The following LINGO1 variants were observed in gnomAD, a reference collection of about 807,000 sequenced individuals.
LINGO1 encodes the protein leucine-rich repeat and immunoglobulin-like domain-containing nogo receptor-interacting protein 1.
In LINGO1, 11 loss-of-function variants were observed where a neutral mutation model predicts 37.3. That is an observed-to-expected ratio of 0.29 (90% confidence interval 0.19 to 0.49). The LOEUF (loss-of-function observed/expected upper bound fraction) is 0.49. Among genes scored for constraint, LINGO1 ranks in the 20% least tolerant of loss-of-function variants. The pLI, the probability that LINGO1 is intolerant of heterozygous loss-of-function variation, is 0.99. For synonymous variants in LINGO1, 387 were observed against 403.0 expected (o/e 0.96, Z 0.48); for missense variants, 585 against 878.2 (o/e 0.67, Z 4.22).
At chr15:77,701,947 G>A (rs557131409) in intron 2 of LINGO1, among the ~76,000 whole-genome samples, 2 of 152,246 alleles carry the variant, frequency 1.3e-5, no homozygotes, top group East Asian at 3.9e-4. Flanking sequence ...CAGGAGTTTG[G>A]GGGTGTGGTT....
At position 77,614,723 on chromosome 15, in the gene LINGO1, G is replaced by T; in HGVS notation, c.1184C>A (p.Thr395Lys). Residue 395 changes from threonine to lysine, a missense_variant, in exon 2 of 2, where the codon ACG (threonine) becomes AAG (lysine). Physicochemically the swap from Thr to Lys is moderately conservative, Grantham distance 78. Around this residue, in one of 4 missense-constraint regions of LINGO1, gnomAD observed 484 missense variants for 735.0 expected, o/e 0.66. Transcript: ENST00000355300. ...CTGGACAAACTCGGGCGTGGCGCACGTGGGCTGCTGCCGGTTGAAGTTGAG... is the reference window on the plus strand; with the variant it reads ...CTGGACAAACTCGGGCGTGGCGCACTTGGGCTGCTGCCGGTTGAAGTTGAG... ...WRLNFNRQQP[T>K]CATPEFVQGK... The T allele has an allele frequency of 6.2e-7, 1 of 1,607,016 alleles. No homozygotes were observed. Among genetic ancestry groups the T allele is most frequent in the Non-Finnish European group, 8.5e-7 (1 of 1,176,840 alleles).
intron 2 of LINGO1, among the ~76,000 whole-genome samples, chr15:77,701,659 A>G: frequency 6.6e-6 from 1 of 152,082 alleles, no homozygotes; most frequent in East Asian, 1.9e-4. Flanking sequence ...TCACTCTATT[A>G]GTTCCCATGA....
upstream of LINGO1, chr15:77,787,245 A>T (rs1471212363): frequency 1.3e-5 from 2 of 152,310 alleles, no homozygotes; most frequent in African/African-American, 4.8e-5. Context: ...TCCAGAGCGC[A>T]CGGTCGGGCC....
At chr15:77,699,907 G>C (rs935113821), upstream of LINGO1, among the ~76,000 whole-genome samples, 1 of 152,218 alleles carries the variant, frequency 6.6e-6, no homozygotes, top group African/African-American at 2.4e-5. Flanking sequence ...TTAGCAATGT[G>C]ATCAGGTCAG....
intron 3 of LINGO1, among the ~76,000 whole-genome samples, chr15:77,647,537 G>A (rs113021462): frequency 2.0e-5 from 3 of 152,286 alleles, no homozygotes; most frequent in African/African-American, 7.2e-5. Context: ...TGTAGAGGGT[G>A]GACAAAGTGG....
At chr15:77,691,626 G>T (rs75774669) in intron 1 of LINGO1, among the ~76,000 whole-genome samples, 10,529 of 152,024 alleles carry the variant, frequency 0.069, 488 homozygotes, top group Admixed American at 0.093. Flanking sequence ...TCCTGAGATT[G>T]TCCCGGAAAA....
At chr15:77,794,226 C>A (rs1248160934) in intron 2 of LINGO1, among the ~76,000 whole-genome samples, 1 of 151,530 alleles carries the variant, frequency 6.6e-6, no homozygotes, top group Non-Finnish European at 1.5e-5. Context: ...ACTGGAGGGA[C>A]TAATTAGTTG....
Position 77,642,896 on chromosome 15 carries a change from G to A in LINGO1, c.-12-26996C>T, listed in dbSNP as rs565587971. On this transcript the variant is annotated intron_variant, in intron 3 of 3. Transcript: ENST00000559893. ...TTGTGCAGCCTTGGTCTATCCCGCT[G>A]AGGCCTCTTTGCAGATGCACAGAGA... 1.5e-4 allele frequency among the ~76,000 whole-genome samples: 23 copies of A among 152,366 alleles called. No homozygotes were observed. The South Asian group carries it at 2.3e-3, about 15-fold the overall frequency.
At chr15:77,816,741 A>T (rs1362323670) in intron 1 of LINGO1, among the ~76,000 whole-genome samples, 2 of 152,060 alleles carry the variant, frequency 1.3e-5, no homozygotes, top group African/African-American at 2.4e-5. Context: ...TCTCCCCCTC[A>T]CCATGGCTTG....
intron 1 of LINGO1, among the ~76,000 whole-genome samples, chr15:77,766,101 G>A (rs904341655): frequency 6.6e-6 from 1 of 152,062 alleles, no homozygotes; most frequent in Admixed American, 6.5e-5. Context: ...TCCAAACAGG[G>A]AAGCAAACAG....
chr15:77,679,657 T>C (rs760816599), intron 2 of LINGO1, among the ~76,000 whole-genome samples: 1 of 152,234 alleles, frequency 6.6e-6, no homozygotes, highest in Non-Finnish European at 1.5e-5. Flanking sequence ...AGCCAGTCCT[T>C]GATCCCAGGT....
chr15:77,717,371 G>A (rs1286164127), intron 2 of LINGO1, among the ~76,000 whole-genome samples: 1 of 150,690 alleles, frequency 6.6e-6, no homozygotes, highest in East Asian at 2.1e-4. Context: ...GGTGGGGGTG[G>A]CAGGCCCAGG....
chr15:77,664,224 G>C (rs1335392871), intron 3 of LINGO1, among the ~76,000 whole-genome samples: 1 of 151,766 alleles, frequency 6.6e-6, no homozygotes, highest in Non-Finnish European at 1.5e-5. Flanking sequence ...GGGTGGAAAG[G>C]GAGGAGGCTT....
intron 1 of LINGO1, among the ~76,000 whole-genome samples, chr15:77,748,528 G>T (rs1755055580): frequency 6.6e-6 from 1 of 152,164 alleles, no homozygotes; most frequent in African/African-American, 2.4e-5. Context: ...GCCCTGCAGA[G>T]CCCAGGAACC....
intron 1 of LINGO1, among the ~76,000 whole-genome samples, chr15:77,766,224 G>A (rs1052675716): frequency 1.3e-5 from 2 of 150,286 alleles, no homozygotes; most frequent in East Asian, 3.9e-4. Flanking sequence ...CCTCAGCTTG[G>A]GAGATAGAGG....
intron 1 of LINGO1, among the ~76,000 whole-genome samples, chr15:77,628,813 C>T (rs921196532): frequency 2.0e-5 from 3 of 152,192 alleles, no homozygotes; most frequent in African/African-American, 7.2e-5. Context: ...GACTGAACCG[C>T]AGGCTTGCAA....
chr15:77,703,363 G>A lies in LINGO1; in HGVS notation c.-194-12462C>T, dbSNP rs533781044. On this transcript the variant is annotated intron_variant, in intron 2 of 3. Coordinates refer to the LINGO1 transcript ENST00000561686. ...TAGAACGTGATTGTTTCGTGTCCTCGTGGGTTTTCAGTTCCTACGAGGGTT... is the reference window on the plus strand; with the variant it reads ...TAGAACGTGATTGTTTCGTGTCCTCATGGGTTTTCAGTTCCTACGAGGGTT... Among the ~76,000 whole-genome samples the A allele has an allele frequency of 4.6e-5, 7 of 152,272 alleles. No homozygotes were observed. In the East Asian group the frequency reaches 5.8e-4, roughly 13 times the overall value.
intron 1 of LINGO1, among the ~76,000 whole-genome samples, chr15:77,617,754 C>A (rs548125923): frequency 1.1e-3 from 163 of 152,342 alleles, no homozygotes; most frequent in African/African-American, 3.6e-3. Context: ...TCTGGTCTGC[C>A]CACAAAACCA....
intron 3 of LINGO1, among the ~76,000 whole-genome samples, chr15:77,663,145 C>T (rs2137110): frequency 0.29 from 44,561 of 152,136 alleles, 8,017 homozygotes; most frequent in African/African-American, 0.5. Flanking sequence ...ATCAAATCAA[C>T]CATCTCTTCC....
Sources: gnomAD v4.1 joint callset for allele counts (sites outside exome capture counted in the v4.1 genomes callset) on GRCh38, gnomAD v4.1.1 for gene constraint, gnomAD v4.1.1 regional missense constraint, MANE v1.5 for transcripts, NCBI Gene and HGNC (gene_info 2026-07-23, HGNC 2026-07-21) for gene names.